The following VPS54 variants were observed in gnomAD, a reference collection of about 807,000 sequenced individuals.
VPS54 encodes VPS54 subunit of GARP complex.
A neutral mutation model predicts 121.5 loss-of-function variants in VPS54; 45 were observed. The observed-to-expected ratio is 0.37, with a 90% CI of 0.29 to 0.47. VPS54 has a LOEUF of 0.47. Among genes scored for constraint, VPS54 ranks in the 20% least tolerant of loss-of-function variants. VPS54 has a pLI of 0.99. For missense variants in VPS54, 1,090 were observed against 1,131.4 expected (o/e 0.96, Z 0.52); for synonymous variants, 371 against 385.8 (o/e 0.96, Z 0.45).
chr2:63,899,400 T>G (rs2104400856), intron 21 of VPS54, 74 bp downstream of exon 21: 1 of 1,314,454 alleles, frequency 7.6e-7, no homozygotes, highest in Non-Finnish European at 1.1e-6. Context: ...GCCAAAAGCA[T>G]GTAAAAACAC....
chr2:63,966,854 C>T (rs1676025107), intron 5 of VPS54, among the ~76,000 whole-genome samples: 1 of 152,184 alleles, frequency 6.6e-6, no homozygotes, highest in East Asian at 1.9e-4. Context: ...TGTATTAATA[C>T]ATAAAGTATG....
chr2:63,893,425 T>C lies in VPS54; in HGVS notation c.*5A>G, dbSNP rs1672311215. ...AGATGAACTACCCAGTTTTCCAGGA[T>C]GACATCACCTCTTCTGCTCCCAAAT... On this transcript the variant is annotated 3_prime_UTR_variant, in exon 23 of 23. Coordinates refer to ENST00000272322, the MANE Select transcript of VPS54 (RefSeq NM_016516.3). 6 of 1,611,978 alleles carry C rather than the reference T, an allele frequency of 3.7e-6. No individual in the cohort carries two copies. Among genetic ancestry groups the C allele is most frequent in the Non-Finnish European group, 5.1e-6 (6 of 1,178,032 alleles).
Position 63,912,334 on chromosome 2 carries a change from T to G in VPS54, c.2625+11A>C, listed in dbSNP as rs775573439. 5 of 1,588,600 alleles carry G rather than the reference T, an allele frequency of 3.1e-6. No individual in the cohort carries two copies. Among genetic ancestry groups the G allele is most frequent in the Admixed American group, 3.5e-5 (2 of 57,502 alleles). Reference sequence around the variant, plus strand: ...TTTGAACAAAGTCTAATAATTTCTATAAATCATTACCTTAGATAACAGCTT... The same window carrying G: ...TTTGAACAAAGTCTAATAATTTCTAGAAATCATTACCTTAGATAACAGCTT... On this transcript the variant is annotated intron_variant, in intron 20 of 22. Transcript: ENST00000272322.
chr2:63,899,546 G>A lies in VPS54; in HGVS notation c.2661C>T (p.Phe887=), dbSNP rs762383842. 1.2e-6 allele frequency: 2 copies of A among 1,613,592 alleles called. No homozygotes were observed. Among genetic ancestry groups the A allele is most frequent in the East Asian group, 4.5e-5 (2 of 44,854 alleles). ...TTGTCATTTGCTTACAAATATTCCT[G>A]AAACAGGCAGAAGGAACAGGAGCCT... The part of the protein sequence containing the change: ...EVKAPVPSAC[F]RNICKQMTKM... The change falls in exon 21 of 23, where the codon TTC becomes TTT. Residue 887 remains phenylalanine (F), a synonymous_variant. Transcript: ENST00000272322.
chr2:64,000,099 A>T (rs1196931050), intron 1 of VPS54, among the ~76,000 whole-genome samples: 1 of 151,862 alleles, frequency 6.6e-6, no homozygotes, highest in Non-Finnish European at 1.5e-5. Context: ...TGACCTCATG[A>T]TCCACCCTCC....
At chr2:63,897,381 T>G in intron 22 of VPS54, 115 bp downstream of exon 22, 1 of 683,428 alleles carries the variant, frequency 1.5e-6, no homozygotes, top group Non-Finnish European at 2.4e-6. Context: ...CTTGCTGATT[T>G]TACAACGTTG....
At chr2:63,930,247 C>T (rs1431875506) in intron 12 of VPS54, among the ~76,000 whole-genome samples, 1 of 152,090 alleles carries the variant, frequency 6.6e-6, no homozygotes, top group Non-Finnish European at 1.5e-5. Flanking sequence ...TGATGAACAT[C>T]GATGAGAAAA....
chr2:63,919,653 A>G (rs1673548869), intron 15 of VPS54, among the ~76,000 whole-genome samples: 2 of 152,118 alleles, frequency 1.3e-5, no homozygotes, highest in Non-Finnish European at 2.9e-5. Context: ...GAACTGGAGT[A>G]ATGCATGTAA....
intron 12 of VPS54, among the ~76,000 whole-genome samples, chr2:63,932,891 G>C (rs1010404333): frequency 6.6e-6 from 1 of 151,996 alleles, no homozygotes; most frequent in Non-Finnish European, 1.5e-5. Context: ...ATGTTTCCTT[G>C]TATTTAATCA....
In VPS54 at chr2:63,972,143, C is replaced by G. The variant is rs1323050178; in HGVS notation, c.457+23G>C. On this transcript the variant is annotated intron_variant, in intron 4 of 22. Transcript: ENST00000272322. ...TAATATTTATGCTATGCTTTATTATCTATAAATAACACATATTCATACCAT... is the reference window on the plus strand; with the variant it reads ...TAATATTTATGCTATGCTTTATTATGTATAAATAACACATATTCATACCAT... The G allele has an allele frequency of 3.5e-6, 5 of 1,420,478 alleles. No homozygotes were observed. The African/African-American group carries it at 7.0e-5, about 20-fold the overall frequency. The allele number at this position is 1,420,478 out of a possible 1,614,324, so 88.0% of individuals were successfully genotyped here.
At chr2:63,962,027 T>C in intron 7 of VPS54, 31 bp downstream of exon 7, 1 of 1,487,658 alleles carries the variant, frequency 6.7e-7, no homozygotes, top group Non-Finnish European at 9.0e-7. Flanking sequence ...ATTTCTAACA[T>C]TATTTCTAGT....
Position 64,019,243 on chromosome 2 carries a change from C to T in VPS54, c.-326G>A, listed in dbSNP as rs1678864493. ...GTCCGCAGCGCCGCCTCCGCCGCTG[C>T]TGCCACCGCCTCTCCCACATCCCCG... is the stretch of plus-strand genomic sequence containing the variant. On this transcript the variant is annotated 5_prime_UTR_variant, in exon 1 of 23. Transcript: ENST00000272322. Among the ~76,000 whole-genome samples the T allele has an allele frequency of 6.7e-6, 1 of 150,310 alleles. No homozygotes were observed. Among genetic ancestry groups the T allele is most frequent in the South Asian group, 2.1e-4 (1 of 4,822 alleles).
At chr2:63,942,755 G>C (rs1015456386) in intron 10 of VPS54, among the ~76,000 whole-genome samples, 194 bp from the exon 11 acceptor site, 2 of 152,036 alleles carry the variant, frequency 1.3e-5, no homozygotes, top group Admixed American at 6.5e-5. Context: ...AGACTGGTAA[G>C]TTAACTATAT....
At chr2:63,895,352 G>A (rs1204577000) in intron 22 of VPS54, among the ~76,000 whole-genome samples, 2 of 152,142 alleles carry the variant, frequency 1.3e-5, no homozygotes, top group African/African-American at 4.8e-5. Flanking sequence ...TACTTGGGAG[G>A]CTGAGGCAGG....
chr2:63,990,931 C>T (rs1677288476), intron 1 of VPS54, among the ~76,000 whole-genome samples: 2 of 152,162 alleles, frequency 1.3e-5, no homozygotes, highest in South Asian at 4.1e-4. Flanking sequence ...GGTCATTTTG[C>T]TTCCTTTAGA....
chr2:63,992,210 TG>T (rs1198358964), intron 1 of VPS54, among the ~76,000 whole-genome samples: 3 of 152,224 alleles, frequency 2.0e-5, no homozygotes, highest in Non-Finnish European at 2.9e-5. Context: ...CACGTGGCCC[TG>T]GAAGGGGCTC....
chr2:63,948,774 A>G (rs1452464246), intron 8 of VPS54, among the ~76,000 whole-genome samples: 2 of 152,100 alleles, frequency 1.3e-5, no homozygotes, highest in Non-Finnish European at 1.5e-5. Context: ...AATTCATCCT[A>G]TATCTGTATT....
At chr2:63,917,629 T>TA (rs1417646584) in intron 15 of VPS54, among the ~76,000 whole-genome samples, 2 of 151,956 alleles carry the variant, frequency 1.3e-5, no homozygotes, top group Non-Finnish European at 2.9e-5. Context: ...TCAAATCCCT[T>TA]TAGGATTTGT....
intron 1 of VPS54, among the ~76,000 whole-genome samples, chr2:64,005,172 C>T (rs1181565858): frequency 7.8e-6 from 1 of 127,858 alleles, no homozygotes; most frequent in East Asian, 2.7e-4. Flanking sequence ...GGCACAATCT[C>T]GGCTCACTGC....
Sources: allele counts gnomAD v4.1 joint callset (sites outside exome capture counted in the v4.1 genomes callset), GRCh38; gene constraint gnomAD v4.1.1; transcripts MANE v1.5; gene names NCBI Gene and HGNC (gene_info 2026-07-23, HGNC 2026-07-21).